The following AUTS2 variants were observed in gnomAD, a reference collection of about 807,000 sequenced individuals.
AUTS2 encodes activator of transcription and developmental regulator AUTS2.
Under a neutral mutation model 112.4 loss-of-function variants are expected in AUTS2, and 17 were observed. The observed-to-expected ratio is 0.15, with a 90% CI of 0.10 to 0.23. The LOEUF is 0.23. AUTS2 is among the 10% of genes least tolerant of loss of function. The probability of loss-of-function intolerance (pLI) is 1.00; values close to 1 mark genes in which losing one functional copy is unlikely to be tolerated. For missense variants in AUTS2, 1,510 were observed against 1,701.6 expected (o/e 0.89, Z 1.98); for synonymous variants, 751 against 702.7 (o/e 1.07, Z -1.09).
At chr7:70,379,418 C>CT (rs1793265952) in intron 4 of AUTS2, among the ~76,000 whole-genome samples, 2 of 151,590 alleles carry the variant, frequency 1.3e-5, no homozygotes, top group South Asian at 4.2e-4. Context: ...GGGAGAATCA[C>CT]TTGAATCTGG....
chr7:70,294,431 T>C (rs1788841844), intron 4 of AUTS2, among the ~76,000 whole-genome samples: 1 of 152,196 alleles, frequency 6.6e-6, no homozygotes, highest in African/African-American at 2.4e-5. Flanking sequence ...CCCTTTGATT[T>C]AATGGAGGTT....
At chr7:70,210,355 T>A (rs1287521296) in intron 4 of AUTS2, among the ~76,000 whole-genome samples, 1 of 152,230 alleles carries the variant, frequency 6.6e-6, no homozygotes, top group African/African-American at 2.4e-5. Context: ...GGATAATGAA[T>A]CTTTATTGCA....
intron 2 of AUTS2, among the ~76,000 whole-genome samples, chr7:69,980,941 G>A (rs892403763): frequency 6.6e-6 from 1 of 152,172 alleles, no homozygotes; most frequent in Non-Finnish European, 1.5e-5. Context: ...TGTCTATGAG[G>A]CTTATTAAAA....
chr7:69,800,086 C>G (rs1375340078), intron 1 of AUTS2, among the ~76,000 whole-genome samples: 2 of 152,174 alleles, frequency 1.3e-5, no homozygotes, highest in East Asian at 3.8e-4. Flanking sequence ...GGTTATTAAG[C>G]ATATACTCTC....
chr7:69,962,741 G>A (rs936655010), intron 2 of AUTS2, among the ~76,000 whole-genome samples: 2 of 151,872 alleles, frequency 1.3e-5, no homozygotes, highest in African/African-American at 2.4e-5. Flanking sequence ...TGCACAGCTC[G>A]TGCATAAATG....
chr7:69,915,559 A>G (rs1320763824), intron 2 of AUTS2, among the ~76,000 whole-genome samples: 1 of 152,118 alleles, frequency 6.6e-6, no homozygotes, highest in Non-Finnish European at 1.5e-5. Flanking sequence ...CCACTTTGAA[A>G]CGACTTACTC....
Position 70,117,117 on chromosome 7 carries a change from G to GT in AUTS2, c.523-1006dup, listed in dbSNP as rs60488343. 3.2e-3 allele frequency among the ~76,000 whole-genome samples: 234 copies of GT among 73,062 alleles called. 4 individuals are homozygous for GT. Among genetic ancestry groups the GT allele is most frequent in the Middle Eastern group, 0.029 (4 of 136 alleles). 47.9% of individuals were successfully genotyped at this position (73,062 alleles called of 152,430 possible). ...GAGATGACTTTTGTTTTTTTTTTTT[G>GT]TTTTTTTTTGTTTTTTTTTGTTTTT... On this transcript the variant is annotated intron_variant, in intron 2 of 18. Coordinates refer to ENST00000342771, the MANE Select transcript of AUTS2 (RefSeq NM_015570.4).
chr7:69,804,726 T>C (rs1790226634), intron 1 of AUTS2, among the ~76,000 whole-genome samples: 1 of 152,244 alleles, frequency 6.6e-6, no homozygotes, highest in South Asian at 2.1e-4. Context: ...TGTTATCACA[T>C]TTCTTGTCTC....
intron 2 of AUTS2, among the ~76,000 whole-genome samples, chr7:70,060,519 A>G (rs1043232870): frequency 1.3e-5 from 2 of 152,204 alleles, no homozygotes; most frequent in Admixed American, 1.3e-4. Flanking sequence ...GGATGTTAAG[A>G]CTTACTGCAG....
chr7:70,689,531 C>T (rs1213747229), intron 5 of AUTS2, among the ~76,000 whole-genome samples: 1 of 151,990 alleles, frequency 6.6e-6, no homozygotes, highest in East Asian at 1.9e-4. Context: ...AATCCCAGCA[C>T]TTTGGGAGGC....
intron 17 of AUTS2, 54 bp downstream of exon 17, chr7:70,786,092 C>G: frequency 6.8e-7 from 1 of 1,463,648 alleles, no homozygotes; most frequent in Non-Finnish European, 9.6e-7. Context: ...CTCCTGTGAT[C>G]CGCATATGGC....
intron 5 of AUTS2, among the ~76,000 whole-genome samples, chr7:70,593,318 A>T (rs921361490): frequency 2.6e-5 from 4 of 152,216 alleles, no homozygotes; most frequent in Admixed American, 6.5e-5. Flanking sequence ...CTAAGTTGGT[A>T]ATATTCCTGT....
At chr7:70,647,585 C>A (rs1806241119) in intron 5 of AUTS2, among the ~76,000 whole-genome samples, 2 of 152,192 alleles carry the variant, frequency 1.3e-5, no homozygotes, top group Admixed American at 1.3e-4. Context: ...CTTAATCTCC[C>A]CACAAACTGA....
At chr7:70,243,803 C>G (rs1479071099) in intron 4 of AUTS2, among the ~76,000 whole-genome samples, 1 of 152,100 alleles carries the variant, frequency 6.6e-6, no homozygotes, top group African/African-American at 2.4e-5. Context: ...CTACTCTTAA[C>G]AGGGATATGG....
At chr7:70,061,412 T>A (rs1326920426) in intron 2 of AUTS2, among the ~76,000 whole-genome samples, 1 of 152,166 alleles carries the variant, frequency 6.6e-6, no homozygotes, top group Non-Finnish European at 1.5e-5. Flanking sequence ...AAGGAGGGAA[T>A]AAGAGGTGCT....
chr7:70,619,194 G>A (rs1804538902), intron 5 of AUTS2, among the ~76,000 whole-genome samples: 1 of 152,074 alleles, frequency 6.6e-6, no homozygotes, highest in Non-Finnish European at 1.5e-5. Flanking sequence ...ACAAATTAGA[G>A]CATCTATGAA....
intron 2 of AUTS2, among the ~76,000 whole-genome samples, chr7:70,028,778 T>C (rs1800638360): frequency 6.6e-6 from 1 of 152,216 alleles, no homozygotes; most frequent in Admixed American, 6.5e-5. Flanking sequence ...TGTTACTTTG[T>C]CTCAGTCAGA....
intron 2 of AUTS2, among the ~76,000 whole-genome samples, chr7:70,079,743 A>G (rs1803210436): frequency 6.6e-6 from 1 of 152,154 alleles, no homozygotes; most frequent in Admixed American, 6.5e-5. Context: ...AAGTATTTAC[A>G]CCACAGAAAT....
At chr7:70,704,698 T>C (rs1809643749) in intron 6 of AUTS2, among the ~76,000 whole-genome samples, 1 of 152,202 alleles carries the variant, frequency 6.6e-6, no homozygotes, top group South Asian at 2.1e-4. Flanking sequence ...GACAAAGGGC[T>C]CAATCACGCG....
Sources: allele counts gnomAD v4.1 joint callset (sites outside exome capture counted in the v4.1 genomes callset), GRCh38; gene constraint gnomAD v4.1.1; transcripts MANE v1.5; gene names NCBI Gene and HGNC (gene_info 2026-07-23, HGNC 2026-07-21).